Variants in UGT1A10 observed in about 807,000 individuals in gnomAD.
UGT1A10 encodes the protein UDP glucuronosyltransferase family 1 member A10.
UGT1A10 carries 49 observed loss-of-function variants against 45.8 expected under a neutral mutation model. That is an observed-to-expected ratio of 1.07 (90% CI 0.85 to 1.36). The LOEUF (loss-of-function observed/expected upper bound fraction) is 1.36, where lower values mean the gene tolerates loss of function less well. Among genes scored for constraint, UGT1A10 ranks in the 40% most tolerant of loss-of-function variants. The probability of loss-of-function intolerance (pLI) is 0.00; values close to 1 mark genes in which losing one functional copy is unlikely to be tolerated. For missense variants in UGT1A10, 745 were observed against 668.6 expected, an observed-to-expected ratio of 1.11 and a Z score of -1.26; for synonymous variants, 284 against 249.7, an observed-to-expected ratio of 1.14 and a Z score of -1.29.
chr2:233,764,393 C>G (rs1698551622), intron 1 of UGT1A10, among the ~76,000 whole-genome samples: 7 of 152,218 alleles, frequency 4.6e-5, no homozygotes. Context: ...GCCGTGATGA[C>G]AACTTCTCTG....
intron 1 of UGT1A10, chr2:233,719,580 G>T (rs369777528): frequency 6.2e-7 from 1 of 1,613,916 alleles, no homozygotes; most frequent in South Asian, 1.1e-5. Flanking sequence ...CTATGCATCC[G>T]TGTGGCTGTT....
Position 233,772,517 on chromosome 2 carries a change from A to C in UGT1A10, c.1551A>C (p.Lys517Asn). Residue 517 changes from lysine to asparagine, a missense_variant, in exon 5 of 5, where the codon AAA (lysine) becomes AAC (asparagine). Coordinates refer to ENST00000344644, the MANE Select transcript of UGT1A10 (RefSeq NM_019075.4). Reference protein sequence around the residue: ...CAYGYRKCLGKKGRVKKAHKS... With the variant: ...CAYGYRKCLGNKGRVKKAHKS... ...ATGGCTACCGGAAATGCTTGGGGAA[A>C]AAAGGGCGAGTTAAGAAAGCCCACA... The C allele has an allele frequency of 6.2e-7, 1 of 1,614,222 alleles. No individual in the cohort carries two copies.
At chr2:233,672,301 A>C in intron 1 of UGT1A10, 1 of 1,613,826 alleles carries the variant, frequency 6.2e-7, no homozygotes, top group Non-Finnish European at 8.5e-7. Context: ...ATTTTTTTCA[A>C]ATTGCAGGAG....
At chr2:233,706,117 G>A (rs1319655081) in intron 1 of UGT1A10, among the ~76,000 whole-genome samples, 1 of 151,994 alleles carries the variant, frequency 6.6e-6, no homozygotes, top group Non-Finnish European at 1.5e-5. Flanking sequence ...AGAATTTCAG[G>A]ACACTGACAG....
intron 1 of UGT1A10, among the ~76,000 whole-genome samples, chr2:233,675,736 T>G (rs1310282086): frequency 6.6e-6 from 1 of 152,232 alleles, no homozygotes; most frequent in Non-Finnish European, 1.5e-5. Flanking sequence ...CTCTACTAAT[T>G]CATCTATCCC....
At chr2:233,671,886 T>A in intron 1 of UGT1A10, 2 of 1,560,644 alleles carry the variant, frequency 1.3e-6, no homozygotes, top group Non-Finnish European at 1.7e-6. Context: ...ACCTACTGTA[T>A]CATAGGAGCT....
At chr2:233,652,415 A>G (rs577309432) in intron 1 of UGT1A10, among the ~76,000 whole-genome samples, 1 of 152,288 alleles carries the variant, frequency 6.6e-6, no homozygotes, top group South Asian at 2.1e-4. Flanking sequence ...TTAAAAATAA[A>G]TTTTGGCTAT....
At chr2:233,716,194 A>G (rs945930665) in intron 1 of UGT1A10, among the ~76,000 whole-genome samples, 4 of 152,112 alleles carry the variant, frequency 2.6e-5, no homozygotes, top group Non-Finnish European at 4.4e-5. Flanking sequence ...TAATTCTTAC[A>G]TCTGTCTCTT....
At position 233,648,803 on chromosome 2, in the gene UGT1A10, T is replaced by C. The variant is rs2073668696; in HGVS notation, c.855+11426T>C. 6.3e-6 allele frequency: 6 copies of C among 949,308 alleles called. No homozygotes were observed. In the East Asian group the frequency reaches 1.9e-4, roughly 30 times the overall value. The allele number at this position is 949,308 out of a possible 1,614,324, so 58.8% of individuals were successfully genotyped here. On this transcript the variant is annotated intron_variant, in intron 1 of 4. Coordinates refer to ENST00000344644, the MANE Select transcript of UGT1A10 (RefSeq NM_019075.4). ...TTTAAGGAGAGAGTAAGGAACCACATCTTCTACTTAGAGGAGCATTTATTT... is the reference window on the plus strand; with the variant it reads ...TTTAAGGAGAGAGTAAGGAACCACACCTTCTACTTAGAGGAGCATTTATTT...
chr2:233,709,781 G>A (rs2076092056), intron 1 of UGT1A10, among the ~76,000 whole-genome samples: 1 of 152,082 alleles, frequency 6.6e-6, no homozygotes, highest in South Asian at 2.1e-4. Flanking sequence ...GCAATAAAGT[G>A]CACCGTTTTA....
In UGT1A10 at chr2:233,748,123, A is replaced by G. The variant is rs1228828484; in HGVS notation, c.856-18911A>G. On this transcript the variant is annotated intron_variant, in intron 1 of 4. Transcript: ENST00000344644. ...ATCCAATCAATGTTCCAGGCAAAAC[A>G]GTTTTTAAAAATTGTATTTACTTAC... The G allele has an allele frequency of 8.7e-6, 14 of 1,610,818 alleles. No individual in the cohort carries two copies. In the Admixed American group the frequency reaches 2.2e-4, roughly 25 times the overall value.
chr2:233,687,479 A>G (rs528407502), intron 1 of UGT1A10, among the ~76,000 whole-genome samples: 6 of 150,260 alleles, frequency 4.0e-5, no homozygotes, highest in Admixed American at 2.0e-4. Context: ...TGGCAGACCT[A>G]TTTTTCAGAT....
chr2:233,772,512 G>A lies in UGT1A10; in HGVS notation c.1546G>A (p.Gly516Arg), dbSNP rs1553624227. The change falls in exon 5 of 5, where the codon GGG becomes AGG. Residue 516 changes from glycine (G) to arginine (R), a missense_variant. By Grantham distance (125) the Gly-to-Arg change is moderately radical. Coordinates refer to ENST00000344644, the MANE Select transcript of UGT1A10 (RefSeq NM_019075.4). ...CCAYGYRKCL[G>R]KKGRVKKAHK... ...TGCTTATGGCTACCGGAAATGCTTG[G>A]GGAAAAAAGGGCGAGTTAAGAAAGC... 6.2e-7 allele frequency: 1 copy of A among 1,614,116 alleles called. No individual in the cohort carries two copies. The highest frequency in any genetic ancestry group is 8.5e-7 in the Non-Finnish European group (1 of 1,180,014).
chr2:233,744,711 T>A (rs1692896185), intron 1 of UGT1A10, among the ~76,000 whole-genome samples: 1 of 151,888 alleles, frequency 6.6e-6, no homozygotes, highest in Non-Finnish European at 1.5e-5. Context: ...TGTACACTTG[T>A]GAGAGAATGA....
chr2:233,714,706 G>A (rs974627054), intron 1 of UGT1A10, among the ~76,000 whole-genome samples: 3 of 152,098 alleles, frequency 2.0e-5, no homozygotes, highest in Non-Finnish European at 2.9e-5. Context: ...ACTGTTTAAC[G>A]TAGCTTTTTT....
intron 1 of UGT1A10, among the ~76,000 whole-genome samples, chr2:233,664,318 G>A (rs878994599): frequency 6.6e-6 from 1 of 152,152 alleles, no homozygotes; most frequent in South Asian, 2.1e-4. Context: ...CTGCTACCAA[G>A]TTCCAAAGTT....
chr2:233,754,057 T>C (rs1403033410), intron 1 of UGT1A10, among the ~76,000 whole-genome samples: 1 of 152,246 alleles, frequency 6.6e-6, no homozygotes, highest in Admixed American at 6.5e-5. Flanking sequence ...TTACCTGCTT[T>C]TATAAAGCCT....
chr2:233,689,859 A>G (rs548633019), intron 1 of UGT1A10: 5 of 456,176 alleles, frequency 1.1e-5, no homozygotes, highest in South Asian at 6.2e-5. Flanking sequence ...TTAGGCTACT[A>G]TTACCTTCTT....
At chr2:233,755,357 TGGGCCGCCTGGA>T in intron 1 of UGT1A10, 1 of 376,616 alleles carries the variant, frequency 2.7e-6, no homozygotes, top group South Asian at 2.2e-5. Context: ...CTTGGCGACC[TGGGCCGCCTGGA>T]GGGCCGCCCC....
Sources: gnomAD v4.1 joint callset for allele counts (sites outside exome capture counted in the v4.1 genomes callset) on GRCh38, gnomAD v4.1.1 for gene constraint, MANE v1.5 for transcripts, NCBI Gene and HGNC (gene_info 2026-07-23, HGNC 2026-07-21) for gene names.